The following HDLBP variants were observed in gnomAD, a reference collection of about 807,000 sequenced individuals.
HDLBP encodes the protein high density lipoprotein binding protein.
A neutral mutation model predicts 137.3 loss-of-function variants in HDLBP; 30 were observed. The ratio of observed to expected loss-of-function variants is 0.22; its 90% CI spans 0.16 to 0.30. HDLBP has a LOEUF of 0.30. HDLBP is among the 10% of genes least tolerant of loss of function. The pLI, the probability that HDLBP is intolerant of heterozygous loss-of-function variation, is 1.00. For missense variants in HDLBP, 1,119 were observed against 1,667.3 expected (o/e 0.67, Z 5.73); for synonymous variants, 606 against 596.0 (o/e 1.02, Z -0.24).
At chr2:241,255,789 C>T (rs139100507) in intron 7 of HDLBP, among the ~76,000 whole-genome samples, 6 of 152,352 alleles carry the variant, frequency 3.9e-5, no homozygotes, top group African/African-American at 7.2e-5. Flanking sequence ...AGTCACCCGC[C>T]GGCTGATAAC....
At chr2:241,259,316 A>C (rs1230814480) in intron 5 of HDLBP, among the ~76,000 whole-genome samples, 1 of 152,220 alleles carries the variant, frequency 6.6e-6, no homozygotes, top group Non-Finnish European at 1.5e-5. Context: ...AGGAGGGAGC[A>C]GGGTGAAGGT....
chr2:241,233,125 G>A lies in HDLBP; in HGVS notation c.3288+695C>T, dbSNP rs2069977907. ...CAACTGTGGCCACCAAGGCTTGCTA[G>A]TCTCCCACTGTGGGCAAAGCTGTGC... On this transcript the variant is annotated intron_variant, in intron 24 of 27. Transcript: ENST00000310931. This position sits in a 1 kb window ranked among gnomAD's most constrained non-coding sequence, Gnocchi z 4.3. 6.6e-6 allele frequency among the ~76,000 whole-genome samples: 1 copy of A among 152,166 alleles called. No homozygotes were observed. The highest frequency in any genetic ancestry group is 6.5e-5 in the Admixed American group (1 of 15,284).
intron 16 of HDLBP, among the ~76,000 whole-genome samples, chr2:241,246,164 C>G (rs2071656412): frequency 6.6e-6 from 1 of 151,516 alleles, no homozygotes; most frequent in South Asian, 2.1e-4. Flanking sequence ...GCAGATGGGC[C>G]CAATAAAGAG....
chr2:241,271,607 T>G (rs532733067), intron 1 of HDLBP, among the ~76,000 whole-genome samples: 1 of 152,176 alleles, frequency 6.6e-6, no homozygotes, highest in Non-Finnish European at 1.5e-5. Flanking sequence ...CAACTACATA[T>G]TCAAGGGGCA....
intron 1 of HDLBP, among the ~76,000 whole-genome samples, chr2:241,287,427 T>C (rs1407493976): frequency 1.3e-5 from 2 of 151,002 alleles, no homozygotes; most frequent in Non-Finnish European, 3.0e-5. Context: ...TTTCTTTTTT[T>C]TTTTTTTTTC....
At chr2:241,307,565 A>G (rs1337562907) in intron 1 of HDLBP, among the ~76,000 whole-genome samples, 1 of 152,226 alleles carries the variant, frequency 6.6e-6, no homozygotes, top group Non-Finnish European at 1.5e-5. Flanking sequence ...ATTCTAAAAG[A>G]TAACTCAACA....
rs370844842 is a variant in HDLBP, at chr2:241,235,622, C to T, written c.2905-28G>A. 2.5e-4 allele frequency: 382 copies of T among 1,528,120 alleles called. 1 individual carries two copies. The highest frequency in any genetic ancestry group is 3.4e-4 in the Middle Eastern group (2 of 5,870). 94.7% of individuals were successfully genotyped at this position (1,528,120 alleles called of 1,614,324 possible). A position where few individuals can be genotyped will look rare whatever the true frequency, so the allele number is the denominator to read the frequency against. The stretch of plus-strand genomic sequence containing the variant: ...GCAGGGAGGATGGTCATGGTTAGGC[C>T]GTGGGAGCTGAGAGCAGAGTGACGT... On this transcript the variant is annotated intron_variant, in intron 21 of 27. Transcript: ENST00000310931.
At chr2:241,310,301 G>A (rs1419299283) in intron 1 of HDLBP, among the ~76,000 whole-genome samples, 1 of 152,070 alleles carries the variant, frequency 6.6e-6, no homozygotes, top group East Asian at 1.9e-4. Flanking sequence ...AAACCAAAGG[G>A]TACAAAACAT....
At position 241,234,272 on chromosome 2, in the gene HDLBP, C is replaced by T. The variant is rs74668011; in HGVS notation, c.3145-309G>A. On this transcript the variant is annotated intron_variant, in intron 23 of 27. Transcript: ENST00000310931. ...GCAGTGAGTCACGAGCTTGGGGCCCCGCTCTCCTCATTTGTCAAACAGGGA... is the reference window on the plus strand; with the variant it reads ...GCAGTGAGTCACGAGCTTGGGGCCCTGCTCTCCTCATTTGTCAAACAGGGA... Among the ~76,000 whole-genome samples the T allele has an allele frequency of 7.6e-3, 1,162 of 152,232 alleles. 7 individuals are homozygous for T. The highest frequency in any genetic ancestry group is 0.025 in the African/African-American group (1,032 of 41,504).
Position 241,229,821 on chromosome 2 carries a change from C to T in HDLBP, c.3720+12G>A, listed in dbSNP as rs1299745649. 4.1e-6 allele frequency: 6 copies of T among 1,464,924 alleles called. No individual in the cohort carries two copies. The highest frequency in any genetic ancestry group is 2.4e-5 in the South Asian group (2 of 83,470). The allele number at this position is 1,464,924 out of a possible 1,614,324, so 90.7% of individuals were successfully genotyped here. A position where few individuals can be genotyped will look rare whatever the true frequency, so the allele number is the denominator to read the frequency against. ...TCCCTGGGACCCAGGAGGGCAGAAG[C>T]CCGCATCTGACCTTCTCACTGCTGC... On this transcript the variant is annotated intron_variant, in intron 27 of 27. Transcript: ENST00000310931.
At chr2:241,241,361 A>G (rs1239793182) in intron 17 of HDLBP, among the ~76,000 whole-genome samples, 1 of 151,920 alleles carries the variant, frequency 6.6e-6, no homozygotes, top group Non-Finnish European at 1.5e-5. Context: ...AGGTCAGGAG[A>G]TCGAGACCAT....
intron 1 of HDLBP, among the ~76,000 whole-genome samples, chr2:241,300,927 T>C (rs1407596735): frequency 6.6e-6 from 1 of 151,222 alleles, no homozygotes; most frequent in South Asian, 2.1e-4. Flanking sequence ...TTCTTCAAAG[T>C]GAACTGATTT....
chr2:241,238,031 A>G lies in HDLBP; in HGVS notation c.2749+618T>C, dbSNP rs1285218049. ...ACAGCTCAACCAAGACTGATAACAC[A>G]GAGTGGAGGGCGGGCATCTGATAAC... On this transcript the variant is annotated intron_variant, in intron 20 of 27. Transcript: ENST00000310931. This position sits in a 1 kb window ranked among gnomAD's most constrained non-coding sequence, Gnocchi z 4.9. Among the ~76,000 whole-genome samples, 2 of 152,216 alleles carry G rather than the reference A, an allele frequency of 1.3e-5. No individual in the cohort carries two copies. The highest frequency in any genetic ancestry group is 2.4e-5 in the African/African-American group (1 of 41,462).
chr2:241,251,804 A>G (rs2072207774), intron 11 of HDLBP, among the ~76,000 whole-genome samples: 1 of 152,030 alleles, frequency 6.6e-6, no homozygotes, highest in African/African-American at 2.4e-5. Flanking sequence ...GTGAAATTCC[A>G]TCTCTACTAA....
intron 5 of HDLBP, among the ~76,000 whole-genome samples, chr2:241,260,498 C>G: frequency 6.6e-6 from 1 of 152,010 alleles, no homozygotes; most frequent in East Asian, 1.9e-4. Flanking sequence ...GATTATTTAT[C>G]TGGTACTTCC....
At position 241,233,343 on chromosome 2, in the gene HDLBP, G is replaced by T. The variant is rs1335576689; in HGVS notation, c.3288+477C>A. Among the ~76,000 whole-genome samples, 2 of 152,176 alleles carry T rather than the reference G, an allele frequency of 1.3e-5. No individual in the cohort carries two copies. Among genetic ancestry groups the T allele is most frequent in the African/African-American group, 4.8e-5 (2 of 41,444 alleles). The stretch of plus-strand genomic sequence containing the variant: ...GAGGCCATGAGGGCCAGTGGCAGGG[G>T]GGTGGCACTGCAATTTGGAGGAAGT... On this transcript the variant is annotated intron_variant, in intron 24 of 27. Coordinates refer to ENST00000310931, the MANE Select transcript of HDLBP (RefSeq NM_005336.6). The surrounding 1 kb of genome is among the most constrained non-coding windows in gnomAD (Gnocchi z 4.3).
At chr2:241,290,635 T>C (rs1192606486) in intron 1 of HDLBP, among the ~76,000 whole-genome samples, 2 of 151,120 alleles carry the variant, frequency 1.3e-5, no homozygotes, top group Admixed American at 1.3e-4. Flanking sequence ...AAAATCAGAC[T>C]CTAAACTCTA....
intron 1 of HDLBP, among the ~76,000 whole-genome samples, chr2:241,287,212 GC>G (rs1299186778): frequency 6.6e-6 from 1 of 152,068 alleles, no homozygotes; most frequent in East Asian, 1.9e-4. Flanking sequence ...CTGGGTTCAA[GC>G]GATTCTCTTG....
intron 1 of HDLBP, among the ~76,000 whole-genome samples, chr2:241,311,771 T>C (rs2075764809): frequency 6.6e-6 from 1 of 152,228 alleles, no homozygotes; most frequent in African/African-American, 2.4e-5. Context: ...TTCGTCCAGC[T>C]GTAAATGGCA....
Sources: allele counts gnomAD v4.1 joint callset (sites outside exome capture counted in the v4.1 genomes callset), GRCh38; gene constraint gnomAD v4.1.1; non-coding constraint Gnocchi (gnomAD v3.1); transcripts MANE v1.5; gene names NCBI Gene and HGNC (gene_info 2026-07-23, HGNC 2026-07-21).